The following PCDHGA1 variants were observed in gnomAD, a reference collection of about 807,000 sequenced individuals.
PCDHGA1 encodes the protein protocadherin gamma-A1.
In PCDHGA1, 32 loss-of-function variants were observed where a neutral mutation model predicts 58.0. The observed-to-expected ratio is 0.55, with a 90% CI of 0.42 to 0.74. The LOEUF is 0.74. PCDHGA1 is among the 30% of genes least tolerant of loss of function. The probability of loss-of-function intolerance (pLI) is 0.00; values close to 1 mark genes in which losing one functional copy is unlikely to be tolerated. For synonymous variants in PCDHGA1, 498 were observed against 501.1 expected (o/e 0.99, Z 0.08); for missense variants, 1,205 against 1,182.3 (o/e 1.02, Z -0.28).
At chr5:141,345,560 C>A (rs1757596702) in intron 1 of PCDHGA1, 2 of 1,614,242 alleles carry the variant, frequency 1.2e-6, no homozygotes. Context: ...CTATCAACTC[C>A]AACACTGGCG....
chr5:141,431,215 CCCTCTACCCCACG>C lies in PCDHGA1; in HGVS notation c.2422-63588_2422-63576del. The C allele has an allele frequency of 6.2e-7, 1 of 1,614,184 alleles. No homozygotes were observed. Among genetic ancestry groups the C allele is most frequent in the Non-Finnish European group, 8.5e-7 (1 of 1,180,048 alleles). On this transcript the variant is annotated intron_variant, in intron 1 of 3. Transcript: ENST00000517417. The surrounding 1 kb of genome is among the most constrained non-coding windows in gnomAD (Gnocchi z 4.8). ...AAAATGCAGCCACTGAGATGCGGTT[CCCTCTACCCCACG>C]CCTGGGATCCGGATATCGGGAAGAA... is the stretch of plus-strand genomic sequence containing the variant.
chr5:141,365,862 C>T (rs1424716310), intron 1 of PCDHGA1: 10 of 1,613,946 alleles, frequency 6.2e-6, no homozygotes, highest in African/African-American at 4.0e-5. Context: ...AACTCTGACA[C>T]CGGTGTCCTG....
Position 141,412,876 on chromosome 5 carries a change from A to G in PCDHGA1, c.2421+79771A>G, listed in dbSNP as rs1206092699. 12 of 281,096 alleles carry G rather than the reference A, an allele frequency of 4.3e-5. No homozygotes were observed. The East Asian group carries it at 7.9e-4, about 19-fold the overall frequency. The allele number at this position is 281,096 out of a possible 1,614,324, so 17.4% of individuals were successfully genotyped here. A position where few individuals can be genotyped will look rare whatever the true frequency, so the allele number is the denominator to read the frequency against. On this transcript the variant is annotated intron_variant, in intron 1 of 3. Coordinates refer to ENST00000517417, the MANE Select transcript of PCDHGA1 (RefSeq NM_018912.3). ...CAAAGAATCTATGTAAAATATAATAATCCAACAGAATAGTTTACTTTCCAT... is the reference window on the plus strand; with the variant it reads ...CAAAGAATCTATGTAAAATATAATAGTCCAACAGAATAGTTTACTTTCCAT...
Position 141,485,804 on chromosome 5 carries a change from G to A in PCDHGA1, c.2422-9003G>A. 6.2e-7 allele frequency: 1 copy of A among 1,614,218 alleles called. No individual in the cohort carries two copies. On this transcript the variant is annotated intron_variant, in intron 1 of 3. Coordinates refer to ENST00000517417, the MANE Select transcript of PCDHGA1 (RefSeq NM_018912.3). This position sits in a 1 kb window ranked among gnomAD's most constrained non-coding sequence, Gnocchi z 5.7. The stretch of plus-strand genomic sequence containing the variant: ...AGAGAAGCAATCGGACTACCGCCTG[G>A]TGCTGACTGCTGTCGATGGAGGGAA...
intron 1 of PCDHGA1, among the ~76,000 whole-genome samples, chr5:141,452,988 T>C (rs2098753680): frequency 6.6e-6 from 1 of 152,228 alleles, no homozygotes; most frequent in Admixed American, 6.5e-5. Context: ...AGTACTGTGC[T>C]GAAAAGTTAC....
chr5:141,409,952 C>A (rs892751686), intron 1 of PCDHGA1: 2 of 1,613,350 alleles, frequency 1.2e-6, no homozygotes, highest in Non-Finnish European at 1.7e-6. Context: ...CTCTGCAGAG[C>A]CCGGCTACCT....
chr5:141,393,186 G>C, intron 1 of PCDHGA1: 2 of 1,613,306 alleles, frequency 1.2e-6, no homozygotes, highest in East Asian at 4.5e-5. Context: ...AGAAATAATT[G>C]ATATTAACGA....
chr5:141,444,377 G>A (rs1035830834), intron 1 of PCDHGA1, among the ~76,000 whole-genome samples: 3 of 151,802 alleles, frequency 2.0e-5, no homozygotes, highest in Non-Finnish European at 4.4e-5. Context: ...CTCCATGTTG[G>A]TCAGGCTAGT....
At chr5:141,505,336 G>T in intron 2 of PCDHGA1, 57 bp from the exon 3 acceptor site, 2 of 1,611,372 alleles carry the variant, frequency 1.2e-6, no homozygotes, top group Non-Finnish European at 1.7e-6. Context: ...GAGGACAGGA[G>T]GGGCATGAGC....
chr5:141,362,372 G>C, intron 1 of PCDHGA1: 2 of 1,614,054 alleles, frequency 1.2e-6, no homozygotes, highest in Non-Finnish European at 1.7e-6. Context: ...TACAGTGAGG[G>C]TACATTGCCC....
chr5:141,341,535 C>A, intron 1 of PCDHGA1: 2 of 1,475,338 alleles, frequency 1.4e-6, no homozygotes, highest in African/African-American at 1.4e-5. Context: ...TGAATTATTT[C>A]TTGGTAGGTC....
intron 1 of PCDHGA1, among the ~76,000 whole-genome samples, chr5:141,467,055 C>CTTT (rs1193465269): frequency 2.2e-5 from 3 of 134,494 alleles, no homozygotes; most frequent in Admixed American, 7.5e-5. Context: ...TCAATGTTTT[C>CTTT]TTTTTTTTTT....
chr5:141,413,010 C>A, intron 1 of PCDHGA1: 1 of 640,210 alleles, frequency 1.6e-6, no homozygotes. Flanking sequence ...AGGGCTTCAA[C>A]TACACAAGCC....
chr5:141,411,299 G>C (rs1020908131), intron 1 of PCDHGA1: 1 of 152,284 alleles, frequency 6.6e-6, no homozygotes, highest in Non-Finnish European at 1.5e-5. Context: ...GACAGGCCCA[G>C]TGGCTCACAC....
chr5:141,389,694 T>C, intron 1 of PCDHGA1: 1 of 1,612,590 alleles, frequency 6.2e-7, no homozygotes, highest in South Asian at 1.1e-5. Flanking sequence ...CTGGCTGTCC[T>C]ACCACGTGCT....
At chr5:141,365,770 C>G in intron 1 of PCDHGA1, 4 of 1,613,918 alleles carry the variant, frequency 2.5e-6, no homozygotes, top group Non-Finnish European at 3.4e-6. Context: ...ATGACCCCGA[C>G]AGCGGCGACA....
chr5:141,423,141 G>C, intron 1 of PCDHGA1: 1 of 1,613,580 alleles, frequency 6.2e-7, no homozygotes, highest in Non-Finnish European at 8.5e-7. Flanking sequence ...ACAGAGACGC[G>C]CTCAAGCAGA....
At position 141,477,898 on chromosome 5, in the gene PCDHGA1, A is replaced by C; in HGVS notation, c.2422-16909A>C. The C allele has an allele frequency of 6.2e-7, 1 of 1,614,158 alleles. No individual in the cohort carries two copies. Among genetic ancestry groups the C allele is most frequent in the East Asian group, 2.2e-5 (1 of 44,864 alleles). ...CTGGCCACCTAGTGTCACGGGTGGT[A>C]GGCTGGGACGCGGATGCAGGGCACA... On this transcript the variant is annotated intron_variant, in intron 1 of 3. Transcript: ENST00000517417. This position sits in a 1 kb window ranked among gnomAD's most constrained non-coding sequence, Gnocchi z 4.9.
At chr5:141,343,744 G>T in intron 1 of PCDHGA1, 1 of 323,434 alleles carries the variant, frequency 3.1e-6, no homozygotes, top group Non-Finnish European at 5.6e-6. Context: ...ATAATAATGT[G>T]TCTGAGAGGA....
Sources: gnomAD v4.1 joint callset for allele counts (sites outside exome capture counted in the v4.1 genomes callset) on GRCh38, gnomAD v4.1.1 for gene constraint, Gnocchi (gnomAD v3.1) non-coding constraint, MANE v1.5 for transcripts, NCBI Gene and HGNC (gene_info 2026-07-23, HGNC 2026-07-21) for gene names.